Variants in COG5 observed in about 807,000 individuals in gnomAD.
COG5 encodes conserved oligomeric Golgi complex subunit 5.
A neutral mutation model predicts 110.4 loss-of-function variants in COG5; 86 were observed. The ratio of observed to expected loss-of-function variants is 0.78; its 90% CI spans 0.65 to 0.93. The LOEUF (loss-of-function observed/expected upper bound fraction) is 0.93. Ranked by LOEUF, COG5 falls within the 40% of genes least tolerant of loss-of-function variation. The pLI is 0.00. For synonymous variants in COG5, 360 were observed against 334.6 expected, an observed-to-expected ratio of 1.08 and a Z score of -0.83; for missense variants, 1,077 against 987.0, an observed-to-expected ratio of 1.09 and a Z score of -1.22.
At chr7:107,255,640 T>C (rs948495825) in intron 16 of COG5, among the ~76,000 whole-genome samples, 5 of 152,090 alleles carry the variant, frequency 3.3e-5, no homozygotes, top group African/African-American at 9.7e-5. Flanking sequence ...AACTCTCCCT[T>C]AGAGATGTAA....
At chr7:107,228,498 G>A (rs1203282479) in intron 19 of COG5, among the ~76,000 whole-genome samples, 1 of 152,008 alleles carries the variant, frequency 6.6e-6, no homozygotes, top group Non-Finnish European at 1.5e-5. Context: ...GACTGTACAG[G>A]GGTTTTAGTA....
At chr7:107,288,278 C>T (rs1805814494) in intron 12 of COG5, among the ~76,000 whole-genome samples, 1 of 152,138 alleles carries the variant, frequency 6.6e-6, no homozygotes, top group Non-Finnish European at 1.5e-5. Flanking sequence ...TGGAGGACTG[C>T]TTGAGCCGGA....
At chr7:107,505,132 T>G (rs183370831) in intron 6 of COG5, among the ~76,000 whole-genome samples, 1 of 152,222 alleles carries the variant, frequency 6.6e-6, no homozygotes. Flanking sequence ...CCCTGTGATG[T>G]GCACTTTTTT....
chr7:107,210,590 G>A lies in COG5; in HGVS notation c.2311C>T (p.His771Tyr), dbSNP rs1799090183. ...TCCAGCCACTGAGAGAAGCGTGTGT[G>A]GGACCACTCTGCCCTCTGCAGGGTT... Reference protein sequence around the residue: ...KSPFQRAEWSHTRFSQWLDDH... With the variant: ...KSPFQRAEWSYTRFSQWLDDH... The change falls in exon 21 of 22, where the codon CAC becomes TAC. Residue 771 changes from histidine (H) to tyrosine (Y), a missense_variant. Transcript: ENST00000297135. The A allele has an allele frequency of 6.2e-7, 1 of 1,603,038 alleles. No homozygotes were observed. Among genetic ancestry groups the A allele is most frequent in the African/African-American group, 1.3e-5 (1 of 74,892 alleles).
intron 6 of COG5, among the ~76,000 whole-genome samples, chr7:107,503,678 C>T (rs796871646): frequency 8.5e-5 from 13 of 152,188 alleles, no homozygotes; most frequent in African/African-American, 3.1e-4. Flanking sequence ...CGTTTTCTTT[C>T]AGCAGTTTTG....
intron 21 of COG5, among the ~76,000 whole-genome samples, chr7:107,206,087 A>G (rs1406827624): frequency 6.6e-6 from 1 of 151,838 alleles, no homozygotes; most frequent in Non-Finnish European, 1.5e-5. Context: ...CAGCCTCCCG[A>G]GTAGCTGGGA....
At chr7:107,516,230 G>A (rs905832980) in intron 6 of COG5, among the ~76,000 whole-genome samples, 1 of 152,056 alleles carries the variant, frequency 6.6e-6, no homozygotes, top group South Asian at 2.1e-4. Flanking sequence ...AATGCCTAAC[G>A]ATGTTGAGCA....
chr7:107,481,401 C>A (rs1035940616), intron 6 of COG5, among the ~76,000 whole-genome samples: 1 of 151,916 alleles, frequency 6.6e-6, no homozygotes, highest in Admixed American at 6.6e-5. Flanking sequence ...AATATTAATG[C>A]TAACAAATGA....
chr7:107,338,746 T>C (rs1462096811), intron 10 of COG5, among the ~76,000 whole-genome samples: 1 of 152,058 alleles, frequency 6.6e-6, no homozygotes, highest in Non-Finnish European at 1.5e-5. Context: ...ATATCTAGAA[T>C]ATATAGTAAC....
intron 6 of COG5, among the ~76,000 whole-genome samples, chr7:107,489,122 T>G (rs537323996): frequency 6.6e-6 from 1 of 152,196 alleles, no homozygotes; most frequent in South Asian, 2.1e-4. Context: ...TTACAGTGTA[T>G]GTACTTTTTT....
intron 6 of COG5, among the ~76,000 whole-genome samples, chr7:107,435,381 G>A (rs572355485): frequency 5.3e-5 from 8 of 152,038 alleles, no homozygotes; most frequent in Non-Finnish European, 1.2e-4. Context: ...GGCCAGGCGC[G>A]GTGGCTCACA....
chr7:107,444,659 T>C (rs1794903104), intron 6 of COG5, among the ~76,000 whole-genome samples: 1 of 152,202 alleles, frequency 6.6e-6, no homozygotes, highest in South Asian at 2.1e-4. Context: ...GTTTTACATA[T>C]CCCAAATCAT....
intron 5 of COG5, among the ~76,000 whole-genome samples, chr7:107,539,112 T>TA (rs1563089843): frequency 6.6e-6 from 1 of 151,656 alleles, no homozygotes; most frequent in South Asian, 2.1e-4. Context: ...AGACACTGTC[T>TA]AAAAAAAATT....
chr7:107,414,041 T>C lies in COG5; in HGVS notation c.539-1409A>G, dbSNP rs114705451. Among the ~76,000 whole-genome samples, 494 of 152,310 alleles carry C rather than the reference T, an allele frequency of 3.2e-3. 4 individuals carry two copies. Among genetic ancestry groups the C allele is most frequent in the African/African-American group, 0.011 (467 of 41,564 alleles). On this transcript the variant is annotated intron_variant, in intron 6 of 21. Coordinates refer to ENST00000297135, the MANE Select transcript of COG5 (RefSeq NM_006348.5). ...AGAATAGAGCTTATATTCAAAGAGA[T>C]AGTATTCCTCCGATATTCTTCCAAT...
intron 6 of COG5, among the ~76,000 whole-genome samples, chr7:107,436,324 C>CA (rs1156647764): frequency 1.3e-5 from 2 of 152,180 alleles, no homozygotes; most frequent in Non-Finnish European, 1.5e-5. Flanking sequence ...AACTTGAAGA[C>CA]ATTATGCTAA....
chr7:107,379,041 A>G (rs904846908), intron 7 of COG5, among the ~76,000 whole-genome samples: 12 of 152,222 alleles, frequency 7.9e-5, no homozygotes, highest in African/African-American at 2.7e-4. Flanking sequence ...GTTACCCACA[A>G]AGGGAAGCCC....
chr7:107,260,854 T>C lies in COG5; in HGVS notation c.1576-2471A>G, dbSNP rs572986790. Reference sequence around the variant, plus strand: ...TAAATAATCTGCTGCTTATCCTGATTTTACCGCCCAGAATATAATCAGTCC... The same window carrying C: ...TAAATAATCTGCTGCTTATCCTGATCTTACCGCCCAGAATATAATCAGTCC... On this transcript the variant is annotated intron_variant, in intron 14 of 21. Transcript: ENST00000297135. Among the ~76,000 whole-genome samples the C allele has an allele frequency of 9.2e-5, 14 of 152,224 alleles. No individual in the cohort carries two copies. In the East Asian group the frequency reaches 1.9e-3, roughly 21 times the overall value.
At chr7:107,419,842 A>G (rs1219952502) in intron 6 of COG5, among the ~76,000 whole-genome samples, 1 of 152,238 alleles carries the variant, frequency 6.6e-6, no homozygotes, top group East Asian at 1.9e-4. Context: ...TGCTGGGATT[A>G]CAGGCGTGAG....
At chr7:107,364,127 A>G (rs1400442579) in intron 8 of COG5, among the ~76,000 whole-genome samples, 1 of 152,220 alleles carries the variant, frequency 6.6e-6, no homozygotes, top group Non-Finnish European at 1.5e-5. Context: ...AAACAAACTG[A>G]AATAATTTTG....
Sources: gnomAD v4.1 joint callset for allele counts (sites outside exome capture counted in the v4.1 genomes callset) on GRCh38, gnomAD v4.1.1 for gene constraint, MANE v1.5 for transcripts, NCBI Gene and HGNC (gene_info 2026-07-23, HGNC 2026-07-21) for gene names.